Variants in PPP1R12A observed in about 807,000 individuals in gnomAD.
PPP1R12A encodes myosin binding subunit.
Under a neutral mutation model 139.6 loss-of-function variants are expected in PPP1R12A, and 19 were observed. The ratio of observed to expected loss-of-function variants is 0.14; its 90% CI spans 0.09 to 0.20. PPP1R12A has a LOEUF of 0.20. Among genes scored for constraint, PPP1R12A ranks in the 10% least tolerant of loss-of-function variants. The probability of loss-of-function intolerance (pLI) is 1.00; values close to 1 mark genes in which losing one functional copy is unlikely to be tolerated. For synonymous variants in PPP1R12A, 427 were observed against 420.6 expected (o/e 1.02, Z -0.19); for missense variants, 925 against 1,211.5 (o/e 0.76, Z 3.51).
intron 9 of PPP1R12A, 104 bp from the exon 10 acceptor site, chr12:79,810,114 G>T: frequency 1.1e-6 from 1 of 934,006 alleles, no homozygotes; most frequent in Non-Finnish European, 1.6e-6. Flanking sequence ...TAAAATTATG[G>T]TTTACAGTTT....
At chr12:79,798,206 CA>C (rs756777575) in intron 15 of PPP1R12A, among the ~76,000 whole-genome samples, 1 of 152,014 alleles carries the variant, frequency 6.6e-6, no homozygotes, top group Non-Finnish European at 1.5e-5. Flanking sequence ...AAAAAATACT[CA>C]AAAAGACACA....
intron 14 of PPP1R12A, among the ~76,000 whole-genome samples, chr12:79,802,354 T>A (rs1873292128): frequency 6.6e-6 from 1 of 152,236 alleles, no homozygotes; most frequent in Non-Finnish European, 1.5e-5. Flanking sequence ...CCAATGGCTA[T>A]TTTTTCCATT....
In PPP1R12A at chr12:79,934,636, G is replaced by A. The variant is rs1202630775; in HGVS notation, c.237+59C>T. The A allele has an allele frequency of 5.6e-6, 8 of 1,429,906 alleles. No homozygotes were observed. In the Admixed American group the frequency reaches 8.8e-5, roughly 16 times the overall value. The allele number at this position is 1,429,906 out of a possible 1,614,324, so 88.6% of individuals were successfully genotyped here. On this transcript the variant is annotated intron_variant, in intron 1 of 24. Transcript: ENST00000450142. ...GAGGTGGAGAACTGAGGGCAGGCCC[G>A]AGCAGGAGGCCGACGAGAACCCTCA...
At chr12:79,851,250 T>G (rs961602373) in intron 2 of PPP1R12A, among the ~76,000 whole-genome samples, 2 of 152,204 alleles carry the variant, frequency 1.3e-5, no homozygotes, top group Non-Finnish European at 2.9e-5. Context: ...AATGCTATTT[T>G]CATTAGCAAG....
At chr12:79,836,616 A>G (rs1878117468) in intron 3 of PPP1R12A, among the ~76,000 whole-genome samples, 1 of 152,212 alleles carries the variant, frequency 6.6e-6, no homozygotes, top group Non-Finnish European at 1.5e-5. Context: ...AGAAAATTAA[A>G]TTAGAAAAGA....
At chr12:79,850,953 G>A (rs1256346823) in intron 2 of PPP1R12A, among the ~76,000 whole-genome samples, 1 of 152,164 alleles carries the variant, frequency 6.6e-6, no homozygotes, top group African/African-American at 2.4e-5. Context: ...ATGGAACTGT[G>A]AGTCAATTAT....
At chr12:79,810,085 A>T in intron 9 of PPP1R12A, 75 bp from the exon 10 acceptor site, 1 of 1,113,028 alleles carries the variant, frequency 9.0e-7, no homozygotes. Context: ...GGAAACAATA[A>T]GTTTACAGAT....
chr12:79,917,864 T>C (rs1353106398), intron 1 of PPP1R12A, among the ~76,000 whole-genome samples: 1 of 152,178 alleles, frequency 6.6e-6, no homozygotes, highest in Non-Finnish European at 1.5e-5. Context: ...ACTATACAAT[T>C]AGAAAAATCC....
chr12:79,844,050 T>G (rs1427625621), intron 3 of PPP1R12A, among the ~76,000 whole-genome samples: 1 of 152,110 alleles, frequency 6.6e-6, no homozygotes, highest in Non-Finnish European at 1.5e-5. Flanking sequence ...ACACACAGCT[T>G]TATTAAGATC....
intron 9 of PPP1R12A, among the ~76,000 whole-genome samples, chr12:79,811,362 T>C (rs1392008589): frequency 1.3e-5 from 2 of 152,114 alleles, no homozygotes; most frequent in Non-Finnish European, 2.9e-5. Flanking sequence ...TGCTCCAGAG[T>C]GTCACAACAA....
chr12:79,900,109 A>T (rs183545973), intron 1 of PPP1R12A, among the ~76,000 whole-genome samples: 1 of 152,202 alleles, frequency 6.6e-6, no homozygotes, highest in African/African-American at 2.4e-5. Context: ...AATAAATACA[A>T]CTTTCATTCA....
At chr12:79,825,653 A>C (rs1244091817) in intron 5 of PPP1R12A, among the ~76,000 whole-genome samples, 2 of 151,838 alleles carry the variant, frequency 1.3e-5, no homozygotes, top group Non-Finnish European at 2.9e-5. Context: ...TTCTAGTACT[A>C]AATAATTCAT....
At chr12:79,894,120 G>A (rs994759695) in intron 1 of PPP1R12A, among the ~76,000 whole-genome samples, 1 of 152,124 alleles carries the variant, frequency 6.6e-6, no homozygotes, top group Non-Finnish European at 1.5e-5. Context: ...CCTTTATAGT[G>A]ACATAACATA....
At chr12:79,804,604 G>A (rs150097586) in intron 14 of PPP1R12A, among the ~76,000 whole-genome samples, 6 of 151,974 alleles carry the variant, frequency 3.9e-5, no homozygotes, top group Non-Finnish European at 8.8e-5. Context: ...TAAGTACTAC[G>A]TGACAGAAAT....
chr12:79,846,903 C>T (rs1156976328), intron 2 of PPP1R12A, among the ~76,000 whole-genome samples: 1 of 151,986 alleles, frequency 6.6e-6, no homozygotes, highest in Non-Finnish European at 1.5e-5. Context: ...CTAAATTAAA[C>T]CATTTGATTT....
chr12:79,818,501 C>A (rs1875686782), intron 8 of PPP1R12A, among the ~76,000 whole-genome samples: 1 of 152,106 alleles, frequency 6.6e-6, no homozygotes, highest in Non-Finnish European at 1.5e-5. Context: ...ACTTGGACTC[C>A]CAAACTACTG....
chr12:79,842,707 A>T (rs1412942662), intron 3 of PPP1R12A, among the ~76,000 whole-genome samples: 2 of 151,116 alleles, frequency 1.3e-5, no homozygotes, highest in Non-Finnish European at 2.9e-5. Context: ...TACCATCTTA[A>T]CTTTTTTTTT....
chr12:79,820,454 G>A (rs1418382536), intron 8 of PPP1R12A, among the ~76,000 whole-genome samples: 1 of 152,136 alleles, frequency 6.6e-6, no homozygotes, highest in East Asian at 1.9e-4. Flanking sequence ...TTGGACCTCA[G>A]AAGGAACAGG....
At chr12:79,914,151 G>C (rs1479276244) in intron 1 of PPP1R12A, among the ~76,000 whole-genome samples, 1 of 151,718 alleles carries the variant, frequency 6.6e-6, no homozygotes, top group Non-Finnish European at 1.5e-5. Flanking sequence ...TTTCTAATTT[G>C]GTAAATACAG....
Sources: allele counts gnomAD v4.1 joint callset (sites outside exome capture counted in the v4.1 genomes callset), GRCh38; gene constraint gnomAD v4.1.1; transcripts MANE v1.5; gene names NCBI Gene and HGNC (gene_info 2026-07-23, HGNC 2026-07-21).